Variants in CADPS observed in about 807,000 individuals in gnomAD.
CADPS encodes calcium-dependent secretion activator 1.
Under a neutral mutation model 167.3 loss-of-function variants are expected in CADPS, and 57 were observed. That is an observed-to-expected ratio of 0.34 (90% confidence interval 0.28 to 0.42). The LOEUF (loss-of-function observed/expected upper bound fraction) is 0.42. CADPS is among the 20% of genes least tolerant of loss of function. The pLI, the probability that CADPS is intolerant of heterozygous loss-of-function variation, is 1.00. For missense variants in CADPS, 1,414 were observed against 1,738.1 expected, an observed-to-expected ratio of 0.81 and a Z score of 3.32; for synonymous variants, 676 against 635.3, an observed-to-expected ratio of 1.06 and a Z score of -0.96.
chr3:62,723,552 T>A, intron 3 of CADPS, among the ~76,000 whole-genome samples: 1 of 152,178 alleles, frequency 6.6e-6, no homozygotes. Context: ...GGGAATAATG[T>A]ACTCAGATGT....
At chr3:62,428,775 C>A (rs2053309774) in intron 28 of CADPS, among the ~76,000 whole-genome samples, 3 of 152,132 alleles carry the variant, frequency 2.0e-5, no homozygotes, top group Admixed American at 1.3e-4. Flanking sequence ...CAGTGGTTCT[C>A]AAATGGGGAT....
intron 27 of CADPS, among the ~76,000 whole-genome samples, chr3:62,444,173 T>C (rs1406625135): frequency 2.0e-5 from 3 of 152,186 alleles, no homozygotes; most frequent in South Asian, 2.1e-4. Flanking sequence ...CTACAGAGAA[T>C]AGACCACAGC....
intron 3 of CADPS, among the ~76,000 whole-genome samples, chr3:62,711,843 CCTT>C (rs1271983489): frequency 1.3e-5 from 2 of 152,128 alleles, no homozygotes; most frequent in African/African-American, 4.8e-5. Flanking sequence ...AATTTAGTAT[CCTT>C]CTGTTACCTC....
intron 2 of CADPS, among the ~76,000 whole-genome samples, chr3:62,756,022 TC>T (rs1315201684): frequency 6.6e-6 from 1 of 151,692 alleles, no homozygotes; most frequent in African/African-American, 2.4e-5. Context: ...GTAAATCATC[TC>T]CCCTCTCTGA....
chr3:62,581,187 A>G (rs1241607493), intron 8 of CADPS, among the ~76,000 whole-genome samples: 1 of 152,154 alleles, frequency 6.6e-6, no homozygotes, highest in Admixed American at 6.5e-5. Context: ...GAGCTGTTGT[A>G]AGAATTAAAT....
At chr3:62,504,364 C>T (rs768608573) in intron 17 of CADPS, among the ~76,000 whole-genome samples, 2 of 152,220 alleles carry the variant, frequency 1.3e-5, no homozygotes, top group African/African-American at 2.4e-5. Flanking sequence ...AAGAGCATTT[C>T]TGGTAATCCA....
intron 11 of CADPS, among the ~76,000 whole-genome samples, chr3:62,549,314 C>T (rs982371240): frequency 6.6e-6 from 1 of 151,844 alleles, no homozygotes; most frequent in Non-Finnish European, 1.5e-5. Flanking sequence ...GGAAAAGGGG[C>T]AAGAAATTAA....
intron 22 of CADPS, among the ~76,000 whole-genome samples, chr3:62,480,388 A>G (rs1395059275): frequency 6.6e-6 from 1 of 152,242 alleles, no homozygotes; most frequent in Non-Finnish European, 1.5e-5. Flanking sequence ...CTTAGCATGA[A>G]TATGATTTGT....
At chr3:62,699,421 C>G (rs2080980720) in intron 3 of CADPS, among the ~76,000 whole-genome samples, 2 of 152,128 alleles carry the variant, frequency 1.3e-5, no homozygotes, top group Admixed American at 6.5e-5. Flanking sequence ...GGGTTCTCAC[C>G]CCCAGAGATT....
chr3:62,723,215 A>G (rs908244205), intron 3 of CADPS, among the ~76,000 whole-genome samples: 2 of 152,228 alleles, frequency 1.3e-5, no homozygotes, highest in African/African-American at 4.8e-5. Flanking sequence ...AACATTCTTA[A>G]ACCCAGCTGC....
At chr3:62,410,960 C>G (rs953200549) in intron 28 of CADPS, among the ~76,000 whole-genome samples, 2 of 152,016 alleles carry the variant, frequency 1.3e-5, no homozygotes, top group Non-Finnish European at 2.9e-5. Context: ...TAAAAATTAG[C>G]CAAGTATGGT....
At chr3:62,628,600 T>A (rs940035458) in intron 6 of CADPS, among the ~76,000 whole-genome samples, 6 of 147,458 alleles carry the variant, frequency 4.1e-5, no homozygotes, top group Non-Finnish European at 8.9e-5. Context: ...ACACACACTC[T>A]CTCTCTCTCC....
intron 3 of CADPS, among the ~76,000 whole-genome samples, chr3:62,673,441 A>C (rs962642138): frequency 1.3e-5 from 2 of 152,196 alleles, no homozygotes; most frequent in African/African-American, 4.8e-5. Context: ...GGAATAATAG[A>C]GGTGTGAACC....
At chr3:62,751,084 G>C (rs952154413) in intron 3 of CADPS, among the ~76,000 whole-genome samples, 1 of 152,086 alleles carries the variant, frequency 6.6e-6, no homozygotes, top group Admixed American at 6.6e-5. Context: ...CTAACAGATT[G>C]CAGAAAGGCT....
chr3:62,682,654 T>G (rs1395444), intron 3 of CADPS, among the ~76,000 whole-genome samples: 29,855 of 151,976 alleles, frequency 0.2, 3,131 homozygotes, highest in Admixed American at 0.27. Flanking sequence ...ATAACCAGTT[T>G]CTAAAAAGGA....
chr3:62,659,586 T>C lies in CADPS; in HGVS notation c.969+2728A>G, dbSNP rs546420402. 1.2e-3 allele frequency among the ~76,000 whole-genome samples: 189 copies of C among 152,334 alleles called. 1 individual carries two copies. Among genetic ancestry groups the C allele is most frequent in the African/African-American group, 4.0e-3 (165 of 41,578 alleles). ...CTTTATTTTCTCATCATCTTTTCCC[T>C]ATATGGAAGAAGTGCACATTGCTAC... On this transcript the variant is annotated intron_variant, in intron 4 of 29. Coordinates refer to ENST00000383710, the MANE Select transcript of CADPS (RefSeq NM_003716.4).
Position 62,545,145 on chromosome 3 carries a change from A to C in CADPS, c.1966+4758T>G, listed in dbSNP as rs1213537651. ...GGGTTCTATGATGTGATTAACAGTT[A>C]TTAGTTGAGAAACAGACATTAAAAT... On this transcript the variant is annotated intron_variant, in intron 11 of 29. Transcript: ENST00000383710. Among the ~76,000 whole-genome samples the C allele has an allele frequency of 2.6e-5, 4 of 152,194 alleles. No homozygotes were observed. In the East Asian group the frequency reaches 7.7e-4, roughly 29 times the overall value.
At chr3:62,573,346 G>A (rs141720537) in intron 8 of CADPS, among the ~76,000 whole-genome samples, 2 of 151,758 alleles carry the variant, frequency 1.3e-5, no homozygotes, top group African/African-American at 4.8e-5. Flanking sequence ...TTCCATCCAT[G>A]GTTTGTTGAT....
chr3:62,715,753 C>CTTTT lies in CADPS; in HGVS notation c.888+37684_888+37687dup, dbSNP rs71123291. Among the ~76,000 whole-genome samples, 384 of 89,674 alleles carry CTTTT rather than the reference C, an allele frequency of 4.3e-3. 39 individuals carry two copies. The highest frequency in any genetic ancestry group is 0.013 in the East Asian group (33 of 2,596). 58.8% of individuals were successfully genotyped at this position (89,674 alleles called of 152,430 possible). On this transcript the variant is annotated intron_variant, in intron 3 of 29. Coordinates refer to ENST00000383710, the MANE Select transcript of CADPS (RefSeq NM_003716.4). The stretch of plus-strand genomic sequence containing the variant: ...ATTTCAATTTATAATGATTATAAAT[C>CTTTT]TTTTTTTTTTTTTTTTTTTTTGAGA...
Sources: allele counts gnomAD v4.1 joint callset (sites outside exome capture counted in the v4.1 genomes callset), GRCh38; gene constraint gnomAD v4.1.1; transcripts MANE v1.5; gene names NCBI Gene and HGNC (gene_info 2026-07-23, HGNC 2026-07-21).